TRPC1: variants seen among roughly 807,000 people sequenced by gnomAD.
The protein encoded by TRPC1 is short transient receptor potential channel 1.
TRPC1 carries 42 observed loss-of-function variants against 88.2 expected under a neutral mutation model. That is an observed-to-expected ratio of 0.48 (90% confidence interval 0.37 to 0.62). TRPC1 has a LOEUF of 0.62. Among genes scored for constraint, TRPC1 ranks in the 20% least tolerant of loss-of-function variants. The pLI is 0.00. For synonymous variants in TRPC1, 288 were observed against 331.8 expected (o/e 0.87, Z 1.43); for missense variants, 699 against 957.3 (o/e 0.73, Z 3.56).
intron 1 of TRPC1, among the ~76,000 whole-genome samples, chr3:142,727,030 C>A (rs979154691): frequency 6.6e-6 from 1 of 152,196 alleles, no homozygotes; most frequent in African/African-American, 2.4e-5. Context: ...CTTGAGCCTG[C>A]ACTCCTAACC....
At chr3:142,733,031 C>T (rs937990136) in intron 1 of TRPC1, among the ~76,000 whole-genome samples, 1 of 151,552 alleles carries the variant, frequency 6.6e-6, no homozygotes, top group African/African-American at 2.4e-5. Flanking sequence ...CTCTGAAATG[C>T]TTAGCAACCA....
chr3:142,797,486 C>T (rs1157225104), intron 9 of TRPC1, among the ~76,000 whole-genome samples: 1 of 152,090 alleles, frequency 6.6e-6, no homozygotes, highest in Non-Finnish European at 1.5e-5. Flanking sequence ...AGGGTCTATG[C>T]ATGCATTCCT....
intron 2 of TRPC1, among the ~76,000 whole-genome samples, chr3:142,737,334 ATATGTATG>A (rs371372307): frequency 2.0e-5 from 3 of 147,336 alleles, no homozygotes; most frequent in African/African-American, 5.0e-5. Context: ...TTATATATAT[ATATGTATG>A]TATGTATGTA....
At chr3:142,768,481 TTAAA>T (rs1317097998) in intron 4 of TRPC1, among the ~76,000 whole-genome samples, 1 of 152,178 alleles carries the variant, frequency 6.6e-6, no homozygotes, top group Non-Finnish European at 1.5e-5. Flanking sequence ...TTTTCTTAAT[TTAAA>T]TAGTCTTTTT....
chr3:142,729,193 T>C (rs1933800488), intron 1 of TRPC1, among the ~76,000 whole-genome samples: 1 of 152,192 alleles, frequency 6.6e-6, no homozygotes, highest in African/African-American at 2.4e-5. Flanking sequence ...AACAGACTAG[T>C]AATTCAGCAG....
intron 4 of TRPC1, among the ~76,000 whole-genome samples, chr3:142,774,648 C>G (rs1419867632): frequency 6.6e-6 from 1 of 152,138 alleles, no homozygotes; most frequent in East Asian, 1.9e-4. Context: ...ATCAACAATT[C>G]TCAATAAACA....
chr3:142,800,429 G>A (rs111539641), intron 9 of TRPC1, among the ~76,000 whole-genome samples: 2 of 152,208 alleles, frequency 1.3e-5, no homozygotes, highest in African/African-American at 2.4e-5. Context: ...TAAGTAGCTG[G>A]TCCACTTTAG....
At chr3:142,727,914 A>G (rs774412109) in intron 1 of TRPC1, among the ~76,000 whole-genome samples, 2 of 152,110 alleles carry the variant, frequency 1.3e-5, no homozygotes, top group Non-Finnish European at 1.5e-5. Flanking sequence ...GTCTGTTAAC[A>G]GGAGAAAGGG....
chr3:142,730,189 C>CT (rs1933844664), intron 1 of TRPC1, among the ~76,000 whole-genome samples: 1 of 152,112 alleles, frequency 6.6e-6, no homozygotes, highest in Non-Finnish European at 1.5e-5. Flanking sequence ...TTATCAGACT[C>CT]TAACTACAAA....
chr3:142,800,387 G>A (rs1010253956), intron 9 of TRPC1, among the ~76,000 whole-genome samples: 5 of 152,050 alleles, frequency 3.3e-5, no homozygotes, highest in African/African-American at 4.8e-5. Context: ...AGCTTGTGGC[G>A]TGCCTAAGAA....
rs773021513 is a variant in TRPC1 at position 142,724,745 on chromosome 3, C to G, written c.172+14C>G. Reference sequence around the variant, plus strand: ...CGTGCGACAAGGGTGAGAGTTAGGCCCCTTTCTCCTCTGGACGCCCCTGTC... The same window carrying G: ...CGTGCGACAAGGGTGAGAGTTAGGCGCCTTTCTCCTCTGGACGCCCCTGTC... On this transcript the variant is annotated intron_variant, in intron 1 of 12. Transcript: ENST00000476941. This position sits in a 1 kb window ranked among gnomAD's most constrained non-coding sequence, Gnocchi z 5.6. 8 of 1,554,184 alleles carry G rather than the reference C, an allele frequency of 5.1e-6. No homozygotes were observed. The Admixed American group carries it at 1.4e-4, about 28-fold the overall frequency.
chr3:142,736,555 T>A, intron 2 of TRPC1, 22 bp downstream of exon 2: 2 of 1,570,406 alleles, frequency 1.3e-6, no homozygotes, highest in Non-Finnish European at 1.7e-6. Flanking sequence ...GATAATTTAA[T>A]CCAGTTAACT....
At chr3:142,739,045 C>T (rs1934248036) in intron 2 of TRPC1, among the ~76,000 whole-genome samples, 1 of 152,196 alleles carries the variant, frequency 6.6e-6, no homozygotes, top group East Asian at 1.9e-4. Flanking sequence ...GATCTCGGCT[C>T]ACTGCAACCT....
At chr3:142,788,642 A>C (rs1936205413) in intron 7 of TRPC1, among the ~76,000 whole-genome samples, 1 of 152,142 alleles carries the variant, frequency 6.6e-6, no homozygotes, top group Non-Finnish European at 1.5e-5. Context: ...CATAGGTGAG[A>C]CACAAGGAGA....
At chr3:142,794,447 A>G (rs575189402) in intron 9 of TRPC1, among the ~76,000 whole-genome samples, 1 of 152,262 alleles carries the variant, frequency 6.6e-6, no homozygotes, top group South Asian at 2.1e-4. Context: ...AAAGCAATCA[A>G]AAAGGAAAAA....
intron 4 of TRPC1, among the ~76,000 whole-genome samples, chr3:142,774,258 C>T (rs1055689816): frequency 6.6e-6 from 1 of 152,070 alleles, no homozygotes; most frequent in African/African-American, 2.4e-5. Context: ...TCTGATGTTC[C>T]CCACACATAT....
chr3:142,781,134 G>T, intron 6 of TRPC1, 105 bp downstream of exon 6: 1 of 897,902 alleles, frequency 1.1e-6, no homozygotes. Flanking sequence ...TCCTAGTTCT[G>T]CTTCCTAAAA....
At position 142,792,427 on chromosome 3, in the gene TRPC1, C is replaced by T. The variant is rs919830419; in HGVS notation, c.1438-397C>T. Among the ~76,000 whole-genome samples, 7 of 151,902 alleles carry T rather than the reference C, an allele frequency of 4.6e-5. No homozygotes were observed. The highest frequency in any genetic ancestry group is 1.0e-4 in the Non-Finnish European group (7 of 67,930). On this transcript the variant is annotated intron_variant, in intron 8 of 12. Coordinates refer to ENST00000476941, the MANE Select transcript of TRPC1 (RefSeq NM_001251845.2). This position sits in a 1 kb window ranked among gnomAD's most constrained non-coding sequence, Gnocchi z 4.0. ...GTATTTAAAAGGGGGGAAAAAAACT[C>T]TGAATTCCAAGTCAAAGCAGTAGGT...
Position 142,724,599 on chromosome 3 carries a change from G to GCCTCCT in TRPC1, c.49_54dup (p.Ser17_Ser18dup), listed in dbSNP as rs759756419. ...GTACCCGAGCACGGACCTCTCGGGC[G>GCCTCCT]CCTCCTCCTCCTCCCTGCCTTCCTC... On this transcript the variant is annotated inframe_insertion, in exon 1 of 13. Coordinates refer to ENST00000476941, the MANE Select transcript of TRPC1 (RefSeq NM_001251845.2). The surrounding 1 kb of genome is among the most constrained non-coding windows in gnomAD (Gnocchi z 5.6). 2 of 1,603,460 alleles carry GCCTCCT rather than the reference G, an allele frequency of 1.2e-6. No individual in the cohort carries two copies. The highest frequency in any genetic ancestry group is 4.5e-5 in the East Asian group (2 of 44,420).
Sources: gnomAD v4.1 joint callset for allele counts (sites outside exome capture counted in the v4.1 genomes callset) on GRCh38, gnomAD v4.1.1 for gene constraint, Gnocchi (gnomAD v3.1) non-coding constraint, MANE v1.5 for transcripts, NCBI Gene and HGNC (gene_info 2026-07-23, HGNC 2026-07-21) for gene names.